TSHR: variants seen among roughly 807,000 people sequenced by gnomAD.
TSHR encodes the protein thyroid stimulating hormone receptor, also known as thyrotropin receptor.
Under a neutral mutation model 64.1 loss-of-function variants are expected in TSHR, and 51 were observed. The ratio of observed to expected loss-of-function variants is 0.80; its 90% CI spans 0.64 to 1.01. The LOEUF (loss-of-function observed/expected upper bound fraction) is 1.01. Among genes scored for constraint, TSHR ranks in the 50% least tolerant of loss-of-function variants. The pLI is 0.00. For missense variants in TSHR, 877 were observed against 942.8 expected, an observed-to-expected ratio of 0.93 and a Z score of 0.91; for synonymous variants, 361 against 361.9, an observed-to-expected ratio of 1.00 and a Z score of 0.03.
At chr14:81,017,501 C>A (rs1883478373) in intron 1 of TSHR, among the ~76,000 whole-genome samples, 1 of 152,146 alleles carries the variant, frequency 6.6e-6, no homozygotes, top group African/African-American at 2.4e-5. Flanking sequence ...ACTTCAGAGT[C>A]TTATTTCTCA....
At chr14:81,055,464 G>C (rs915695353) in intron 1 of TSHR, among the ~76,000 whole-genome samples, 1 of 152,176 alleles carries the variant, frequency 6.6e-6, no homozygotes, top group African/African-American at 2.4e-5. Flanking sequence ...CGGAATGGTA[G>C]ATCCACAGAC....
At chr14:81,051,278 G>C (rs1041137132) in intron 1 of TSHR, 2 of 152,080 alleles carry the variant, frequency 1.3e-5, no homozygotes, top group African/African-American at 4.8e-5. Flanking sequence ...TCTAACTCTA[G>C]TTCTCTTGCT....
chr14:81,045,199 A>T (rs1026824048), intron 1 of TSHR, among the ~76,000 whole-genome samples: 2 of 152,182 alleles, frequency 1.3e-5, no homozygotes, highest in African/African-American at 2.4e-5. Context: ...CTGAAAGATG[A>T]AAAAAGAGCT....
chr14:80,980,521 C>T (rs1268509395), intron 1 of TSHR, among the ~76,000 whole-genome samples: 2 of 152,164 alleles, frequency 1.3e-5, no homozygotes, highest in East Asian at 1.9e-4. Flanking sequence ...CTCAGTTATC[C>T]TTCTCTTGAT....
At chr14:80,963,021 C>T (rs1217387912) in intron 1 of TSHR, among the ~76,000 whole-genome samples, 1 of 152,138 alleles carries the variant, frequency 6.6e-6, no homozygotes, top group African/African-American at 2.4e-5. Flanking sequence ...TTATTAAAAC[C>T]TCTAATTTCC....
In TSHR at chr14:81,144,476, C is replaced by A. The variant is rs1411878621; in HGVS notation, c.*123C>A. 8 of 1,000,502 alleles carry A rather than the reference C, an allele frequency of 8.0e-6. No individual in the cohort carries two copies. Among genetic ancestry groups the A allele is most frequent in the Non-Finnish European group, 1.1e-5 (7 of 657,566 alleles). 62.0% of individuals were successfully genotyped at this position (1,000,502 alleles called of 1,614,324 possible). A position where few individuals can be genotyped will look rare whatever the true frequency, so the allele number is the denominator to read the frequency against. Reference sequence around the variant, plus strand: ...CCTCACTCTTGTGCAGGCGATGTTTCAATGTTTCATGGGGCAAGAGTTTAT... The same window carrying A: ...CCTCACTCTTGTGCAGGCGATGTTTAAATGTTTCATGGGGCAAGAGTTTAT... On this transcript the variant is annotated 3_prime_UTR_variant, in exon 10 of 10. Coordinates refer to ENST00000298171, the MANE Select transcript of TSHR (RefSeq NM_000369.5).
intron 1 of TSHR, among the ~76,000 whole-genome samples, chr14:81,031,112 C>T (rs963122946): frequency 1.3e-5 from 2 of 152,200 alleles, no homozygotes; most frequent in East Asian, 3.9e-4. Flanking sequence ...CCTTGATGAC[C>T]TGCATAAACC....
rs2140112190 is a variant in TSHR at position 81,143,743 on chromosome 14, G to A, written c.1685G>A (p.Ser562Asn). The change falls in exon 10 of 10, where the codon AGC (serine) becomes AAC (asparagine). Residue 562 changes from serine (S) to asparagine (N), a missense_variant. Transcript: ENST00000298171. ...LALLPLVGISSYAKVSICLPM... is the reference protein window; with the variant it reads ...LALLPLVGISNYAKVSICLPM... ...CTGCTTCCTTTGGTGGGAATAAGTA[G>A]CTATGCCAAAGTCAGTATCTGCCTG... 1 of 1,614,174 alleles carries A rather than the reference G, an allele frequency of 6.2e-7. No individual in the cohort carries two copies. Among genetic ancestry groups the A allele is most frequent in the Non-Finnish European group, 8.5e-7 (1 of 1,180,020 alleles).
chr14:81,032,944 C>A, intron 1 of TSHR: 2 of 359,762 alleles, frequency 5.6e-6, no homozygotes, highest in South Asian at 5.6e-5. Context: ...AGCTTCTAGT[C>A]AAAAGAGATC....
At chr14:81,046,729 G>T (rs1471368424) in intron 1 of TSHR, among the ~76,000 whole-genome samples, 11 of 151,960 alleles carry the variant, frequency 7.2e-5, no homozygotes. Flanking sequence ...ATCTCAGGAA[G>T]AATAAATATA....
chr14:81,071,082 TG>T (rs1341198039), intron 3 of TSHR, among the ~76,000 whole-genome samples: 2 of 152,216 alleles, frequency 1.3e-5, no homozygotes, highest in African/African-American at 4.8e-5. Context: ...CATAAAATTG[TG>T]CAGACTGAAA....
chr14:80,997,701 A>G (rs972555292), intron 1 of TSHR, among the ~76,000 whole-genome samples: 2 of 152,270 alleles, frequency 1.3e-5, no homozygotes, highest in African/African-American at 2.4e-5. Flanking sequence ...GGAGATAGTT[A>G]TGAAATAAGT....
intron 1 of TSHR, among the ~76,000 whole-genome samples, chr14:80,966,580 CA>C (rs568526572): frequency 0.011 from 1,423 of 128,424 alleles, 23 homozygotes; most frequent in African/African-American, 0.034. Flanking sequence ...GAGAAAATAG[CA>C]AAAAAAAAAA....
chr14:81,116,706 A>C (rs1415666552), intron 8 of TSHR, among the ~76,000 whole-genome samples: 1 of 147,118 alleles, frequency 6.8e-6, no homozygotes, highest in African/African-American at 2.6e-5. Context: ...AGAACTCTCC[A>C]CCCCAAATCA....
intron 1 of TSHR, among the ~76,000 whole-genome samples, chr14:81,005,197 TTGTGTG>T (rs71103894): frequency 1.6e-3 from 239 of 149,902 alleles, no homozygotes; most frequent in African/African-American, 5.6e-3. Flanking sequence ...ACTCAAGCCT[TTGTGTG>T]TGTGTGTGTG....
chr14:81,057,087 T>C (rs1461857163), intron 1 of TSHR, among the ~76,000 whole-genome samples: 1 of 152,192 alleles, frequency 6.6e-6, no homozygotes, highest in East Asian at 1.9e-4. Context: ...ATTTTCTTAA[T>C]GCACAACAGT....
chr14:81,081,005 G>A (rs982147223), intron 3 of TSHR, among the ~76,000 whole-genome samples: 2 of 152,162 alleles, frequency 1.3e-5, no homozygotes, highest in African/African-American at 4.8e-5. Flanking sequence ...GCTTAGCTAA[G>A]AGAATGGTCA....
intron 8 of TSHR, among the ~76,000 whole-genome samples, chr14:81,133,214 T>C (rs1891321902): frequency 2.0e-5 from 3 of 152,222 alleles, no homozygotes; most frequent in Admixed American, 6.5e-5. Flanking sequence ...CTTAAAAAGA[T>C]GAGAAAGGAG....
chr14:81,145,841 G>T lies in TSHR; in HGVS notation c.*1488G>T, dbSNP rs1891908407. ...TGTGATGATAGCCCCCTAATGTCCT[G>T]CTAGAAAAGTCTCCAAGCAGAGATG... On this transcript the variant is annotated 3_prime_UTR_variant, in exon 10 of 10. Coordinates refer to ENST00000298171, the MANE Select transcript of TSHR (RefSeq NM_000369.5). 1 of 232,520 alleles carries T rather than the reference G, an allele frequency of 4.3e-6. No homozygotes were observed. Among genetic ancestry groups the T allele is most frequent in the Non-Finnish European group, 8.5e-6 (1 of 117,718 alleles). The allele number at this position is 232,520 out of a possible 1,614,324, so 14.4% of individuals were successfully genotyped here. A position where few individuals can be genotyped will look rare whatever the true frequency, so the allele number is the denominator to read the frequency against.
Sources: gnomAD v4.1 joint callset for allele counts (sites outside exome capture counted in the v4.1 genomes callset) on GRCh38, gnomAD v4.1.1 for gene constraint, MANE v1.5 for transcripts, NCBI Gene and HGNC (gene_info 2026-07-23, HGNC 2026-07-21) for gene names.